The following INPP4B variants were observed in gnomAD, a reference collection of about 807,000 sequenced individuals.
The protein encoded by INPP4B is inositol polyphosphate 4-phosphatase type II.
In INPP4B, 55 loss-of-function variants were observed where a neutral mutation model predicts 122.5. The observed-to-expected ratio is 0.45, with a 90% CI of 0.36 to 0.56. INPP4B has a LOEUF of 0.56. Among genes scored for constraint, INPP4B ranks in the 20% least tolerant of loss-of-function variants. The pLI is 0.00. For synonymous variants in INPP4B, 403 were observed against 388.7 expected (o/e 1.04, Z -0.43); for missense variants, 1,000 against 1,097.7 (o/e 0.91, Z 1.26).
At chr4:142,431,487 C>A in intron 3 of INPP4B, 102 bp from the exon 4 acceptor site, 4 of 530,572 alleles carry the variant, frequency 7.5e-6, no homozygotes, top group Non-Finnish European at 3.4e-6. Context: ...AATAAACTTT[C>A]TTCCTGCCTA....
At chr4:142,723,396 T>C (rs919700373) in intron 2 of INPP4B, among the ~76,000 whole-genome samples, 1 of 152,132 alleles carries the variant, frequency 6.6e-6, no homozygotes, top group Non-Finnish European at 1.5e-5. Context: ...TATTTTTACA[T>C]GTAATCCTAC....
chr4:142,786,458 G>A (rs866758807), intron 1 of INPP4B, among the ~76,000 whole-genome samples: 3 of 152,002 alleles, frequency 2.0e-5, no homozygotes, highest in African/African-American at 7.2e-5. Context: ...TAAAAGCAGG[G>A]GATAAGAGAC....
At chr4:142,098,763 C>A (rs1003045806) in intron 23 of INPP4B, among the ~76,000 whole-genome samples, 1 of 151,948 alleles carries the variant, frequency 6.6e-6, no homozygotes, top group South Asian at 2.1e-4. Context: ...TTATCAGGAA[C>A]AAAGATTAAG....
chr4:142,105,312 A>T (rs1310145293), intron 23 of INPP4B, among the ~76,000 whole-genome samples: 1 of 152,214 alleles, frequency 6.6e-6, no homozygotes, highest in Non-Finnish European at 1.5e-5. Flanking sequence ...GTTGATTGGC[A>T]ACTTTAATTA....
At chr4:142,792,816 C>T (rs577691766) in intron 1 of INPP4B, among the ~76,000 whole-genome samples, 13 of 152,084 alleles carry the variant, frequency 8.5e-5, no homozygotes, top group South Asian at 2.1e-4. Flanking sequence ...ATTCAAACGC[C>T]GCTCTTTCAA....
At chr4:142,069,720 A>G (rs181539523) in intron 25 of INPP4B, among the ~76,000 whole-genome samples, 49 of 152,316 alleles carry the variant, frequency 3.2e-4, no homozygotes, top group African/African-American at 1.1e-3. Context: ...ACACAAATAA[A>G]CTAGAAAATC....
chr4:142,333,701 T>C (rs1433902898), intron 7 of INPP4B, among the ~76,000 whole-genome samples: 1 of 151,536 alleles, frequency 6.6e-6, no homozygotes, highest in East Asian at 1.9e-4. Context: ...ATTAACTCAG[T>C]TGGTCCAATG....
At chr4:142,616,874 G>A (rs1475408311) in intron 2 of INPP4B, among the ~76,000 whole-genome samples, 1 of 152,036 alleles carries the variant, frequency 6.6e-6, no homozygotes, top group Non-Finnish European at 1.5e-5. Context: ...CTTGTAAGTG[G>A]GAGCTAAAGA....
intron 25 of INPP4B, among the ~76,000 whole-genome samples, chr4:142,059,935 T>C (rs1197515260): frequency 3.3e-5 from 5 of 152,188 alleles, no homozygotes; most frequent in Admixed American, 6.5e-5. Context: ...TGCTACTTAG[T>C]AGGAAACTCA....
At position 142,346,676 on chromosome 4, in the gene INPP4B, T is replaced by A. The variant is rs551355947; in HGVS notation, c.373-31914A>T. Among the ~76,000 whole-genome samples, 26 of 152,156 alleles carry A rather than the reference T, an allele frequency of 1.7e-4. 1 individual carries two copies. The highest frequency in any genetic ancestry group is 1.6e-3 in the Admixed American group (24 of 15,264). On this transcript the variant is annotated intron_variant, in intron 7 of 25. Transcript: ENST00000262992. Reference sequence around the variant, plus strand: ...AGATAAATTTTCCTAAATGCAATTATGGCTCTAACAACTCAGTAAAATAGA... The same window carrying A: ...AGATAAATTTTCCTAAATGCAATTAAGGCTCTAACAACTCAGTAAAATAGA...
chr4:142,284,048 A>T (rs921941717), intron 9 of INPP4B, among the ~76,000 whole-genome samples: 7 of 152,178 alleles, frequency 4.6e-5, no homozygotes, highest in African/African-American at 1.7e-4. Flanking sequence ...ACTGACAATT[A>T]TCCTTTGGAT....
intron 2 of INPP4B, among the ~76,000 whole-genome samples, chr4:142,480,227 G>T (rs1820342577): frequency 6.6e-6 from 1 of 152,128 alleles, no homozygotes; most frequent in African/African-American, 2.4e-5. Context: ...ATATGTTATG[G>T]TAAATTCTAG....
intron 10 of INPP4B, among the ~76,000 whole-genome samples, chr4:142,261,172 G>T (rs551389755): frequency 8.5e-5 from 13 of 152,286 alleles, no homozygotes; most frequent in African/African-American, 3.1e-4. Flanking sequence ...AGATACAGAA[G>T]AGCACATGGA....
intron 3 of INPP4B, among the ~76,000 whole-genome samples, chr4:142,435,768 G>A (rs1382073889): frequency 6.6e-6 from 1 of 152,204 alleles, no homozygotes; most frequent in Non-Finnish European, 1.5e-5. Context: ...AAGGAACTGT[G>A]CAACCCATAG....
chr4:142,734,312 T>C (rs1032379288), intron 1 of INPP4B, among the ~76,000 whole-genome samples: 1 of 152,154 alleles, frequency 6.6e-6, no homozygotes, highest in Non-Finnish European at 1.5e-5. Flanking sequence ...AGAACTGTGA[T>C]AAAATAAATT....
At chr4:142,343,880 A>C (rs1779461724) in intron 7 of INPP4B, among the ~76,000 whole-genome samples, 1 of 152,244 alleles carries the variant, frequency 6.6e-6, no homozygotes, top group Non-Finnish European at 1.5e-5. Context: ...ATGTGAAAGC[A>C]CATTGAAACC....
chr4:142,131,952 T>C (rs1279957182), intron 18 of INPP4B, among the ~76,000 whole-genome samples: 20 of 151,352 alleles, frequency 1.3e-4, no homozygotes, highest in Admixed American at 4.6e-4. Context: ...TGAAACTTTG[T>C]TTCCAAAAAA....
At chr4:142,835,775 C>T (rs10005896) in intron 1 of INPP4B, among the ~76,000 whole-genome samples, 108,963 of 152,112 alleles carry the variant, frequency 0.72, 40,740 homozygotes, top group East Asian at 0.97. Context: ...ATTCTTTAAA[C>T]ATTTATACTG....
chr4:142,299,354 G>T (rs1361477854), intron 9 of INPP4B, among the ~76,000 whole-genome samples: 1 of 149,860 alleles, frequency 6.7e-6, no homozygotes, highest in Non-Finnish European at 1.5e-5. Flanking sequence ...TAGAAATGGG[G>T]TTTTGGCATG....
Sources: gnomAD v4.1 joint callset for allele counts (sites outside exome capture counted in the v4.1 genomes callset) on GRCh38, gnomAD v4.1.1 for gene constraint, MANE v1.5 for transcripts, NCBI Gene and HGNC (gene_info 2026-07-23, HGNC 2026-07-21) for gene names.